Variants in LMLN observed in about 807,000 individuals in gnomAD.
LMLN encodes leishmanolysin-like peptidase.
Under a neutral mutation model 92.3 loss-of-function variants are expected in LMLN, and 70 were observed. The ratio of observed to expected loss-of-function variants is 0.76; its 90% confidence interval spans 0.63 to 0.92. LMLN has a LOEUF of 0.92. Ranked by LOEUF, LMLN falls within the 40% of genes least tolerant of loss-of-function variation. The pLI, the probability that LMLN is intolerant of heterozygous loss-of-function variation, is 0.00. For missense variants in LMLN, 691 were observed against 814.6 expected (o/e 0.85, Z 1.85); for synonymous variants, 308 against 296.2 (o/e 1.04, Z -0.41).
chr3:198,038,737 T>G, exon 16 of LMLN: 1 of 1,194,054 alleles, frequency 8.4e-7, no homozygotes, highest in South Asian at 1.2e-5. Flanking sequence ...AAAGTTTGAG[T>G]GAGTGCCAAC....
intron 14 of LMLN, among the ~76,000 whole-genome samples, chr3:198,028,223 G>A (rs1468884759): frequency 2.6e-5 from 4 of 151,630 alleles, no homozygotes; most frequent in African/African-American, 4.8e-5. Context: ...ATCATCATCC[G>A]AAGTCCATGT....
chr3:197,977,343 A>C (rs897863873), intron 5 of LMLN, among the ~76,000 whole-genome samples: 1 of 152,370 alleles, frequency 6.6e-6, no homozygotes, highest in East Asian at 1.9e-4. Context: ...AGACAATAAA[A>C]AAATGATCAA....
chr3:197,971,234 A>C (rs1721214678), intron 1 of LMLN, among the ~76,000 whole-genome samples: 1 of 152,234 alleles, frequency 6.6e-6, no homozygotes. Flanking sequence ...TTACAGTTCC[A>C]CATGGCTGGG....
chr3:197,979,813 T>A (rs1047723718), intron 5 of LMLN, among the ~76,000 whole-genome samples: 1 of 152,198 alleles, frequency 6.6e-6, no homozygotes, highest in Non-Finnish European at 1.5e-5. Flanking sequence ...AATAAAAGAT[T>A]TGCTTAGAAG....
chr3:197,973,343 G>A (rs140699234), intron 1 of LMLN, among the ~76,000 whole-genome samples: 6,851 of 151,768 alleles, frequency 0.045, 189 homozygotes, highest in East Asian at 0.097. Context: ...CTGGGTTCTA[G>A]CAATTCTCCT....
At chr3:198,022,982 T>G (rs1722822804) in intron 13 of LMLN, among the ~76,000 whole-genome samples, 1 of 152,184 alleles carries the variant, frequency 6.6e-6, no homozygotes, top group South Asian at 2.1e-4. Flanking sequence ...CTATCACATG[T>G]TATTGTTTTA....
chr3:198,023,593 TA>T (rs1297905970), intron 13 of LMLN, among the ~76,000 whole-genome samples: 1 of 152,270 alleles, frequency 6.6e-6, no homozygotes, highest in Non-Finnish European at 1.5e-5. Flanking sequence ...TTAGCTTATA[TA>T]ATTCAGATTT....
intron 14 of LMLN, among the ~76,000 whole-genome samples, chr3:198,027,771 T>A (rs2109947151): frequency 6.6e-6 from 1 of 152,300 alleles, no homozygotes; most frequent in South Asian, 2.1e-4. Context: ...GATGGACACT[T>A]AGGTCGTTTG....
chr3:197,998,020 C>A (rs1249646692), intron 10 of LMLN, among the ~76,000 whole-genome samples: 5 of 152,194 alleles, frequency 3.3e-5, no homozygotes, highest in Non-Finnish European at 7.3e-5. Flanking sequence ...AGAAAAGATT[C>A]CCTTCGAGAA....
chr3:197,988,361 G>A (rs541905465), intron 8 of LMLN, among the ~76,000 whole-genome samples: 35 of 150,344 alleles, frequency 2.3e-4, no homozygotes, highest in Middle Eastern at 3.5e-3. Context: ...ATTATTATTC[G>A]ATTTCTTTAC....
chr3:197,996,957 T>A (rs1025663222), intron 10 of LMLN, among the ~76,000 whole-genome samples: 2 of 152,150 alleles, frequency 1.3e-5, no homozygotes, highest in Non-Finnish European at 2.9e-5. Flanking sequence ...TACTCTAGTC[T>A]GTGTGTTCGT....
exon 16 of LMLN, chr3:198,038,791 G>T: frequency 1.3e-6 from 1 of 745,814 alleles, no homozygotes; most frequent in Non-Finnish European, 2.3e-6. Flanking sequence ...TGGCTTGGAA[G>T]AATTGACGAC....
At chr3:197,996,412 C>G (rs1466136648) in intron 10 of LMLN, 130 bp downstream of exon 10, 16 of 508,828 alleles carry the variant, frequency 3.1e-5, no homozygotes, top group Non-Finnish European at 1.7e-5. Flanking sequence ...TCTCCAGATG[C>G]ACTTTCCAGA....
chr3:197,999,591 CA>C, intron 11 of LMLN: 1 of 447,002 alleles, frequency 2.2e-6, no homozygotes, highest in South Asian at 2.7e-5. Context: ...AGTGCAGTGG[CA>C]ATCTGGACTC....
chr3:197,970,651 A>G (rs2109849124), intron 1 of LMLN, among the ~76,000 whole-genome samples: 1 of 152,342 alleles, frequency 6.6e-6, no homozygotes, highest in African/African-American at 2.4e-5. Flanking sequence ...GCAAATGTTC[A>G]ACATAAACCA....
chr3:197,964,677 G>A (rs200766748), intron 1 of LMLN, among the ~76,000 whole-genome samples: 6 of 151,090 alleles, frequency 4.0e-5, no homozygotes, highest in African/African-American at 1.2e-4. Flanking sequence ...GATTACAGGC[G>A]TGAGCCACCA....
intron 11 of LMLN, among the ~76,000 whole-genome samples, chr3:198,010,298 T>G (rs1359396321): frequency 6.6e-6 from 1 of 150,422 alleles, no homozygotes; most frequent in Non-Finnish European, 1.5e-5. Flanking sequence ...GGACTACAGG[T>G]GCACACCACC....
intron 12 of LMLN, among the ~76,000 whole-genome samples, chr3:198,021,218 C>T (rs940670045): frequency 6.6e-6 from 1 of 152,122 alleles, no homozygotes; most frequent in Non-Finnish European, 1.5e-5. Context: ...TGATATATAA[C>T]TTAAGACTCA....
At chr3:197,990,377 A>G (rs569448780) in intron 8 of LMLN, among the ~76,000 whole-genome samples, 182 bp from the exon 9 acceptor site, 2 of 152,114 alleles carry the variant, frequency 1.3e-5, no homozygotes, top group African/African-American at 2.4e-5. Flanking sequence ...AATTAAATTT[A>G]AAAAAATGTA....
Sources: allele counts gnomAD v4.1 joint callset (sites outside exome capture counted in the v4.1 genomes callset), GRCh38; gene constraint gnomAD v4.1.1; transcripts MANE v1.5; gene names NCBI Gene and HGNC (gene_info 2026-07-23, HGNC 2026-07-21).